The following ARHGAP32 variants were observed in gnomAD, a reference collection of about 807,000 sequenced individuals.
ARHGAP32 encodes rho GTPase-activating protein 32.
ARHGAP32 carries 51 observed loss-of-function variants against 186.5 expected under a neutral mutation model. That is an observed-to-expected ratio of 0.27 (90% CI 0.22 to 0.35). The LOEUF (loss-of-function observed/expected upper bound fraction) is 0.35, where lower values mean the gene tolerates loss of function less well. Among genes scored for constraint, ARHGAP32 ranks in the 10% least tolerant of loss-of-function variants. The probability of loss-of-function intolerance (pLI) is 1.00; values close to 1 mark genes in which losing one functional copy is unlikely to be tolerated. For synonymous variants in ARHGAP32, 950 were observed against 964.3 expected (o/e 0.99, Z 0.27); for missense variants, 2,186 against 2,623.5 (o/e 0.83, Z 3.64).
intron 1 of ARHGAP32, among the ~76,000 whole-genome samples, chr11:129,270,651 T>A (rs966522214): frequency 2.6e-5 from 4 of 151,836 alleles, no homozygotes; most frequent in African/African-American, 9.7e-5. Flanking sequence ...GGAAGCTGCA[T>A]ATGTGTAAAG....
chr11:129,058,322 C>T (rs187305068), intron 10 of ARHGAP32, among the ~76,000 whole-genome samples: 1 of 151,494 alleles, frequency 6.6e-6, no homozygotes, highest in East Asian at 1.9e-4. Flanking sequence ...TATATGATAT[C>T]CCCCATCCAT....
chr11:129,098,720 C>A (rs144233064), intron 5 of ARHGAP32, among the ~76,000 whole-genome samples: 126 of 152,246 alleles, frequency 8.3e-4, no homozygotes, highest in African/African-American at 2.9e-3. Flanking sequence ...TTTAATTCCA[C>A]ATTCTTTCCT....
intron 1 of ARHGAP32, among the ~76,000 whole-genome samples, chr11:129,173,281 A>C (rs1943812496): frequency 6.6e-6 from 1 of 151,932 alleles, no homozygotes; most frequent in Non-Finnish European, 1.5e-5. Flanking sequence ...ATCCCTGAAT[A>C]GACCAATAAC....
intron 5 of ARHGAP32, among the ~76,000 whole-genome samples, chr11:129,119,139 A>G (rs950366593): frequency 2.0e-5 from 3 of 151,838 alleles, no homozygotes; most frequent in Non-Finnish European, 2.9e-5. Context: ...TTCATCTACA[A>G]TTTCTTAGCT....
At chr11:129,027,326 C>A (rs1354276781) in intron 11 of ARHGAP32, among the ~76,000 whole-genome samples, 5 of 152,160 alleles carry the variant, frequency 3.3e-5, no homozygotes, top group Non-Finnish European at 7.4e-5. Flanking sequence ...ACACAGCAAG[C>A]AAAGTGATCC....
At chr11:129,192,690 T>C (rs1311223791), upstream of ARHGAP32, among the ~76,000 whole-genome samples, 1 of 152,082 alleles carries the variant, frequency 6.6e-6, no homozygotes, top group Non-Finnish European at 1.5e-5. Context: ...TCACAATAAG[T>C]AGAGAAGATA....
In ARHGAP32 at chr11:128,968,415, G is replaced by A. The variant is rs1945267472; in HGVS notation, c.*492C>T. ...ACTGAACACAAGATCCTTCTCAGAC[G>A]GGGAGAATGAAGTGACAACAGTGTG... On this transcript the variant is annotated 3_prime_UTR_variant, in exon 23 of 23. Transcript: ENST00000682385. The A allele has an allele frequency of 6.6e-6, 1 of 152,256 alleles. No homozygotes were observed. The highest frequency in any genetic ancestry group is 1.5e-5 in the Non-Finnish European group (1 of 68,076). The allele number at this position is 152,256 out of a possible 1,614,324, so 9.4% of individuals were successfully genotyped here.
intron 1 of ARHGAP32, among the ~76,000 whole-genome samples, chr11:129,218,531 C>G (rs769429964): frequency 5.3e-5 from 8 of 151,964 alleles, no homozygotes; most frequent in Non-Finnish European, 1.0e-4. Context: ...CTTTAAGAAC[C>G]CTTCCCTGAT....
chr11:129,093,876 T>G (rs906081362), intron 5 of ARHGAP32, among the ~76,000 whole-genome samples, 169 bp from the exon 6 acceptor site: 1 of 152,170 alleles, frequency 6.6e-6, no homozygotes, highest in Non-Finnish European at 1.5e-5. Flanking sequence ...ATGAAGGACT[T>G]GGTGTTTCAG....
At position 128,969,808 on chromosome 11, in the gene ARHGAP32, T is replaced by A. The variant is rs746253996; in HGVS notation, c.5405A>T (p.Tyr1802Phe). ...TGATTTACTACGCAGATGGATGACA[T>A]AGATCCCACCCAAGTCGTCCTGCAC... ...PAVQDDLGGI[Y>F]VIHLRSKSDP... The change falls in exon 23 of 23, where the codon TAT becomes TTT. Residue 1802 changes from tyrosine to phenylalanine, a missense_variant. Tyr to Phe is a conservative substitution (Grantham distance 22, BLOSUM62 3). This residue lies in a region of ARHGAP32 where 1,502 missense variants were observed against 1,570.0 expected (regional missense o/e 0.96). Transcript: ENST00000682385. The surrounding 1 kb of genome is among the most constrained non-coding windows in gnomAD (Gnocchi z 4.8). 1 of 1,614,176 alleles carries A rather than the reference T, an allele frequency of 6.2e-7. No individual in the cohort carries two copies.
At chr11:129,185,788 G>T (rs1026993717) in intron 1 of ARHGAP32, among the ~76,000 whole-genome samples, 1 of 151,908 alleles carries the variant, frequency 6.6e-6, no homozygotes, top group East Asian at 1.9e-4. Context: ...GAGGAGAAGA[G>T]AGAACCATGA....
intron 5 of ARHGAP32, among the ~76,000 whole-genome samples, chr11:129,111,312 A>G (rs1942206120): frequency 1.3e-5 from 2 of 152,102 alleles, no homozygotes; most frequent in Non-Finnish European, 2.9e-5. Flanking sequence ...GTGCTGTTGG[A>G]TTCAGTTTGC....
intron 15 of ARHGAP32, among the ~76,000 whole-genome samples, chr11:128,984,931 T>G (rs1945818093): frequency 6.6e-6 from 1 of 152,208 alleles, no homozygotes; most frequent in Admixed American, 6.5e-5. Context: ...AGAAAGATTG[T>G]ATACAGATAG....
chr11:129,255,309 G>A (rs368163987), intron 1 of ARHGAP32, among the ~76,000 whole-genome samples: 3 of 152,000 alleles, frequency 2.0e-5, no homozygotes, highest in East Asian at 3.9e-4. Flanking sequence ...TTTAATAAAT[G>A]GTGCTGACTC....
At chr11:129,251,656 C>T (rs571566871) in intron 1 of ARHGAP32, among the ~76,000 whole-genome samples, 2 of 151,746 alleles carry the variant, frequency 1.3e-5, no homozygotes, top group Non-Finnish European at 1.5e-5. Context: ...CAGCCCAGCG[C>T]GGTGGCTCAC....
At chr11:129,106,969 C>A (rs1039189960) in intron 5 of ARHGAP32, among the ~76,000 whole-genome samples, 1 of 151,868 alleles carries the variant, frequency 6.6e-6, no homozygotes. Context: ...CATAAATGTG[C>A]ACATCCAAAA....
chr11:129,255,753 G>A (rs763590724), intron 1 of ARHGAP32, among the ~76,000 whole-genome samples: 3 of 152,058 alleles, frequency 2.0e-5, no homozygotes, highest in Non-Finnish European at 2.9e-5. Context: ...GAAGGACTAC[G>A]TTAAAAACAA....
At chr11:129,195,974 C>T (rs1944386201), upstream of ARHGAP32, among the ~76,000 whole-genome samples, 1 of 152,204 alleles carries the variant, frequency 6.6e-6, no homozygotes, top group African/African-American at 2.4e-5. Context: ...ACTTTCCCAA[C>T]AAGCTTTTAT....
chr11:128,988,385 A>C (rs1945941616), intron 12 of ARHGAP32, among the ~76,000 whole-genome samples: 1 of 152,204 alleles, frequency 6.6e-6, no homozygotes, highest in Non-Finnish European at 1.5e-5. Context: ...TTCATACATT[A>C]TTAGGACAGT....
Sources: allele counts gnomAD v4.1 joint callset (sites outside exome capture counted in the v4.1 genomes callset), GRCh38; gene constraint gnomAD v4.1.1; regional missense constraint gnomAD v4.1.1; non-coding constraint Gnocchi (gnomAD v3.1); transcripts MANE v1.5; gene names NCBI Gene and HGNC (gene_info 2026-07-23, HGNC 2026-07-21).